Variants in SUGCT observed in about 807,000 individuals in gnomAD.
SUGCT encodes the protein succinyl-CoA:glutarate-CoA transferase.
SUGCT carries 41 observed loss-of-function variants against 55.0 expected under a neutral mutation model. The observed-to-expected ratio is 0.74, with a 90% CI of 0.58 to 0.97. The LOEUF (loss-of-function observed/expected upper bound fraction) is 0.97. SUGCT is among the 50% of genes least tolerant of loss of function. The pLI, the probability that SUGCT is intolerant of heterozygous loss-of-function variation, is 0.00. For missense variants in SUGCT, 568 were observed against 547.8 expected, an observed-to-expected ratio of 1.04 and a Z score of -0.37; for synonymous variants, 187 against 200.4, an observed-to-expected ratio of 0.93 and a Z score of 0.56.
At chr7:40,914,319 G>A in the SUGCT span, among the ~76,000 whole-genome samples, 4 of 126,802 alleles carry the variant, frequency 3.2e-5, no homozygotes, top group Non-Finnish European at 4.9e-5. Context: ...GGGTACATGT[G>A]CACATTGTGC....
intron 7 of SUGCT, among the ~76,000 whole-genome samples, chr7:40,248,469 C>T (rs1419098998): frequency 6.6e-6 from 1 of 152,176 alleles, no homozygotes; most frequent in African/African-American, 2.4e-5. Flanking sequence ...CCTTCTCTTG[C>T]TGGGCATTTA....
At chr7:40,709,946 C>T (rs902324738) in intron 12 of SUGCT, among the ~76,000 whole-genome samples, 15 of 152,162 alleles carry the variant, frequency 9.9e-5, no homozygotes, top group African/African-American at 3.1e-4. Flanking sequence ...CTTCAAGAAC[C>T]ACTGGTTATA....
At chr7:40,833,222 T>C (rs1467183136) in intron 13 of SUGCT, among the ~76,000 whole-genome samples, 1 of 152,184 alleles carries the variant, frequency 6.6e-6, no homozygotes, top group African/African-American at 2.4e-5. Flanking sequence ...AAACTCCACA[T>C]GTAGGAATGT....
At chr7:40,624,335 A>G (rs1422500145) in intron 12 of SUGCT, among the ~76,000 whole-genome samples, 2 of 152,206 alleles carry the variant, frequency 1.3e-5, no homozygotes, top group African/African-American at 4.8e-5. Flanking sequence ...TATTTCTGTG[A>G]AAAGGAAGAC....
chr7:40,978,347 C>T, the SUGCT span, among the ~76,000 whole-genome samples: 54,910 of 152,056 alleles, frequency 0.36, 10,845 homozygotes, highest in Admixed American at 0.51. Flanking sequence ...CTGTGTCAGG[C>T]GACCACAATG....
At chr7:40,545,284 A>G (rs1490469983) in intron 12 of SUGCT, among the ~76,000 whole-genome samples, 2 of 152,234 alleles carry the variant, frequency 1.3e-5, no homozygotes, top group Non-Finnish European at 1.5e-5. Flanking sequence ...GTGAAGGTCA[A>G]TGAAAGGTCT....
At chr7:40,139,168 A>AATC (rs1562788688) in intron 1 of SUGCT, among the ~76,000 whole-genome samples, 15 of 148,838 alleles carry the variant, frequency 1.0e-4, no homozygotes, top group African/African-American at 3.6e-4. Context: ...ATAAATAAAT[A>AATC]AATAAATAAA....
chr7:40,198,627 G>A (rs142034735), intron 6 of SUGCT, among the ~76,000 whole-genome samples: 39 of 141,620 alleles, frequency 2.8e-4, no homozygotes, highest in African/African-American at 1.1e-3. Context: ...TTGAGAGGCC[G>A]AGGCGGGCGG....
chr7:40,532,955 C>G (rs966722815), intron 12 of SUGCT, among the ~76,000 whole-genome samples: 1 of 152,106 alleles, frequency 6.6e-6, no homozygotes, highest in Non-Finnish European at 1.5e-5. Context: ...AGTTGCTTAA[C>G]AGTTTCTGCT....
chr7:40,901,530 A>G, the SUGCT span, among the ~76,000 whole-genome samples: 4 of 152,182 alleles, frequency 2.6e-5, no homozygotes, highest in Non-Finnish European at 4.4e-5. Context: ...GTCATCCCCA[A>G]GGCGTTCTGC....
At chr7:40,285,763 T>C (rs1433705407) in intron 8 of SUGCT, among the ~76,000 whole-genome samples, 1 of 152,188 alleles carries the variant, frequency 6.6e-6, no homozygotes, top group Non-Finnish European at 1.5e-5. Context: ...GAGTACTTTT[T>C]TAATGTTTAT....
chr7:40,393,919 G>C (rs1271429835), intron 9 of SUGCT, among the ~76,000 whole-genome samples: 1 of 152,150 alleles, frequency 6.6e-6, no homozygotes, highest in Non-Finnish European at 1.5e-5. Flanking sequence ...AGATTGTACT[G>C]GTTTCTGAAT....
chr7:40,595,214 C>G (rs1318418693), intron 12 of SUGCT, among the ~76,000 whole-genome samples: 2 of 152,194 alleles, frequency 1.3e-5, no homozygotes, highest in African/African-American at 4.8e-5. Flanking sequence ...ATGCCCCCCA[C>G]TTCCTCGGCA....
chr7:40,959,353 G>C, the SUGCT span, among the ~76,000 whole-genome samples: 1 of 152,260 alleles, frequency 6.6e-6, no homozygotes. Flanking sequence ...CTTTCTTTCA[G>C]AGATGCCCTG....
chr7:40,803,783 T>A (rs770068216), intron 13 of SUGCT, among the ~76,000 whole-genome samples: 2 of 152,350 alleles, frequency 1.3e-5, no homozygotes, highest in South Asian at 2.1e-4. Flanking sequence ...TAAAATCAGA[T>A]AATTGAAAAC....
chr7:40,211,444 G>A (rs1787330314), intron 6 of SUGCT, among the ~76,000 whole-genome samples: 1 of 152,116 alleles, frequency 6.6e-6, no homozygotes, highest in Non-Finnish European at 1.5e-5. Flanking sequence ...TGAACTCCTG[G>A]CCTCAAGTGA....
chr7:40,834,221 T>C (rs574450809), intron 13 of SUGCT, among the ~76,000 whole-genome samples: 10 of 141,018 alleles, frequency 7.1e-5, no homozygotes, highest in Middle Eastern at 3.5e-3. Flanking sequence ...AACTGACTTG[T>C]GAATGGTTGG....
chr7:40,368,498 A>G (rs1002623789), intron 9 of SUGCT, among the ~76,000 whole-genome samples: 1 of 152,010 alleles, frequency 6.6e-6, no homozygotes, highest in African/African-American at 2.4e-5. Context: ...CACCCGGACT[A>G]TTGTTCATTA....
intron 13 of SUGCT, among the ~76,000 whole-genome samples, chr7:40,842,717 C>A (rs1793337223): frequency 1.3e-5 from 2 of 152,184 alleles, no homozygotes; most frequent in Admixed American, 1.3e-4. Context: ...TTTTATCCAA[C>A]TTATAAAGTG....
Sources: gnomAD v4.1 joint callset for allele counts (sites outside exome capture counted in the v4.1 genomes callset) on GRCh38, gnomAD v4.1.1 for gene constraint, MANE v1.5 for transcripts, NCBI Gene and HGNC (gene_info 2026-07-23, HGNC 2026-07-21) for gene names.